NR3C2: variants seen among roughly 807,000 people sequenced by gnomAD.
NR3C2 encodes mineralocorticoid receptor.
Under a neutral mutation model 86.4 loss-of-function variants are expected in NR3C2, and 15 were observed. That is an observed-to-expected ratio of 0.17 (90% CI 0.12 to 0.27). The LOEUF (loss-of-function observed/expected upper bound fraction) is 0.27, where lower values mean the gene tolerates loss of function less well. Ranked by LOEUF, NR3C2 falls within the 10% of genes least tolerant of loss-of-function variation. The probability of loss-of-function intolerance (pLI) is 1.00; values close to 1 mark genes in which losing one functional copy is unlikely to be tolerated. For synonymous variants in NR3C2, 458 were observed against 450.5 expected, an observed-to-expected ratio of 1.02 and a Z score of -0.21; for missense variants, 960 against 1,195.6, an observed-to-expected ratio of 0.80 and a Z score of 2.91.
intron 3 of NR3C2, among the ~76,000 whole-genome samples, chr4:148,239,267 A>G (rs545932850): frequency 6.6e-6 from 1 of 152,330 alleles, no homozygotes; most frequent in South Asian, 2.1e-4. Flanking sequence ...TATCAGCAAC[A>G]TTATTAAATG....
At chr4:148,277,522 C>A (rs931720778) in intron 2 of NR3C2, among the ~76,000 whole-genome samples, 1 of 152,102 alleles carries the variant, frequency 6.6e-6, no homozygotes, top group African/African-American at 2.4e-5. Context: ...TCAAGTCCTA[C>A]CCGAGCAACA....
At chr4:148,254,144 G>C (rs537775725) in intron 3 of NR3C2, among the ~76,000 whole-genome samples, 3 of 152,242 alleles carry the variant, frequency 2.0e-5, no homozygotes, top group African/African-American at 7.2e-5. Flanking sequence ...TCTAGCTCAA[G>C]TGATGAAAAC....
intron 2 of NR3C2, among the ~76,000 whole-genome samples, chr4:148,320,799 T>C (rs1469049598): frequency 1.3e-5 from 2 of 151,016 alleles, no homozygotes; most frequent in Non-Finnish European, 2.9e-5. Context: ...TAGCGGTCTA[T>C]CAATCTTGTT....
chr4:148,194,652 G>A (rs912716685), intron 4 of NR3C2, 94 bp downstream of exon 4: 3 of 817,572 alleles, frequency 3.7e-6, no homozygotes, highest in African/African-American at 1.7e-5. Context: ...TTTGCTCCCT[G>A]TTGGCTTCGT....
In NR3C2 at chr4:148,187,220, GGTAGATACCCA is replaced by G. The variant is rs1303581199; in HGVS notation, c.2014+7515_2014+7525del. Reference sequence around the variant, plus strand: ...TCAAATAATGACTTATTTTCCTCTGGGTAGATACCCAGTAGTGGGACTGCTGGATGAAATGG... The same window carrying G: ...TCAAATAATGACTTATTTTCCTCTGGGTAGTGGGACTGCTGGATGAAATGG... On this transcript the variant is annotated intron_variant, in intron 4 of 8. Coordinates refer to ENST00000358102, the MANE Select transcript of NR3C2 (RefSeq NM_000901.5). Among the ~76,000 whole-genome samples the G allele has an allele frequency of 8.6e-5, 13 of 151,542 alleles. 1 individual carries two copies. The highest frequency in any genetic ancestry group is 3.1e-4 in the African/African-American group (13 of 41,328).
At position 148,154,397 on chromosome 4, in the gene NR3C2, C is replaced by G. The variant is rs79039437; in HGVS notation, c.2365+154G>C. ...AAATGAGCACATTAACCATATTTTT[C>G]CTATACACTTGATCAATTTGTTATC... On this transcript the variant is annotated intron_variant, in intron 5 of 8. Coordinates refer to ENST00000358102, the MANE Select transcript of NR3C2 (RefSeq NM_000901.5). Among the ~76,000 whole-genome samples, 94 of 152,314 alleles carry G rather than the reference C, an allele frequency of 6.2e-4. 1 individual carries two copies. In the East Asian group the frequency reaches 0.016, roughly 25 times the overall value.
At chr4:148,213,418 C>T (rs1389377110) in intron 3 of NR3C2, among the ~76,000 whole-genome samples, 1 of 152,112 alleles carries the variant, frequency 6.6e-6, no homozygotes, top group Admixed American at 6.5e-5. Flanking sequence ...AAACTGACCC[C>T]CAATAATGAT....
intron 4 of NR3C2, 42 bp downstream of exon 4, chr4:148,194,703 TA>T (rs749673603): frequency 7.8e-7 from 1 of 1,287,160 alleles, no homozygotes; most frequent in Admixed American, 1.7e-5. Context: ...GCTGTTGCAT[TA>T]CCTATTAACA....
chr4:148,240,682 C>T (rs1184664616), intron 3 of NR3C2, among the ~76,000 whole-genome samples: 2 of 152,172 alleles, frequency 1.3e-5, no homozygotes, highest in South Asian at 2.1e-4. Flanking sequence ...AGGAACAGAA[C>T]TATTCCTGAT....
At chr4:148,385,796 C>A (rs540624311) in intron 2 of NR3C2, among the ~76,000 whole-genome samples, 2 of 152,234 alleles carry the variant, frequency 1.3e-5, no homozygotes, top group South Asian at 2.1e-4. Flanking sequence ...GCCCCTAGGA[C>A]CTGCTACAAC....
chr4:148,211,963 A>C (rs547773327), intron 3 of NR3C2, among the ~76,000 whole-genome samples: 127 of 152,180 alleles, frequency 8.3e-4, no homozygotes, highest in Non-Finnish European at 1.4e-3. Context: ...TGGAGACTAG[A>C]GTCGAAAATT....
At chr4:148,426,945 A>ATTTTT (rs1553941794) in intron 2 of NR3C2, among the ~76,000 whole-genome samples, 1 of 150,816 alleles carries the variant, frequency 6.6e-6, no homozygotes, top group African/African-American at 2.4e-5. Context: ...TGACCTCTTC[A>ATTTTT]TTTCTTTTTC....
chr4:148,194,158 T>C (rs1736332849), intron 4 of NR3C2, among the ~76,000 whole-genome samples: 1 of 152,222 alleles, frequency 6.6e-6, no homozygotes, highest in African/African-American at 2.4e-5. Flanking sequence ...AATCAATTGG[T>C]ATTTTTCTTA....
chr4:148,440,837 T>C (rs1016492571), intron 1 of NR3C2, among the ~76,000 whole-genome samples: 8 of 152,222 alleles, frequency 5.3e-5, no homozygotes, highest in Non-Finnish European at 8.8e-5. Context: ...GTATTTTATC[T>C]GGAAACACTT....
At chr4:148,153,103 T>C (rs909001144) in intron 5 of NR3C2, among the ~76,000 whole-genome samples, 1 of 152,198 alleles carries the variant, frequency 6.6e-6, no homozygotes, top group African/African-American at 2.4e-5. Flanking sequence ...TACCAGACTT[T>C]GATAAAGTTC....
At chr4:148,284,390 G>A (rs556512405) in intron 2 of NR3C2, among the ~76,000 whole-genome samples, 1 of 152,246 alleles carries the variant, frequency 6.6e-6, no homozygotes, top group Non-Finnish European at 1.5e-5. Flanking sequence ...ATTTGCTGAT[G>A]AAGGTGTGAA....
chr4:148,444,902 C>T (rs1026509262), upstream of NR3C2: 4 of 984,848 alleles, frequency 4.1e-6, no homozygotes, highest in Non-Finnish European at 3.6e-6. Flanking sequence ...CGCTCCGCAG[C>T]GCCACTCTCC....
At chr4:148,334,924 G>A (rs1309477212) in intron 2 of NR3C2, among the ~76,000 whole-genome samples, 1 of 152,090 alleles carries the variant, frequency 6.6e-6, no homozygotes, top group East Asian at 1.9e-4. Context: ...TAGCCTTCTG[G>A]GCTTCTGCTG....
At chr4:148,343,425 A>G (rs1406129149) in intron 2 of NR3C2, among the ~76,000 whole-genome samples, 2 of 146,828 alleles carry the variant, frequency 1.4e-5, no homozygotes, top group African/African-American at 2.5e-5. Flanking sequence ...CTTTTTTTTA[A>G]ATGTACTTAA....
Sources: gnomAD v4.1 joint callset for allele counts (sites outside exome capture counted in the v4.1 genomes callset) on GRCh38, gnomAD v4.1.1 for gene constraint, MANE v1.5 for transcripts, NCBI Gene and HGNC (gene_info 2026-07-23, HGNC 2026-07-21) for gene names.